The following RNF43 variants were observed in gnomAD, a reference collection of about 807,000 sequenced individuals.
The protein encoded by RNF43 is ring finger protein 43, also known as E3 ubiquitin-protein ligase RNF43.
A neutral mutation model predicts 78.4 loss-of-function variants in RNF43; 37 were observed. That is an observed-to-expected ratio of 0.47 (90% confidence interval 0.36 to 0.62). The LOEUF (loss-of-function observed/expected upper bound fraction) is 0.62. Ranked by LOEUF, RNF43 falls within the 20% of genes least tolerant of loss-of-function variation. The probability of loss-of-function intolerance (pLI) is 0.00; values close to 1 mark genes in which losing one functional copy is unlikely to be tolerated. For missense variants in RNF43, 774 were observed against 1,007.9 expected (o/e 0.77, Z 3.14); for synonymous variants, 347 against 395.0 (o/e 0.88, Z 1.44).
chr17:58,415,873 A>G lies in RNF43; in HGVS notation c.-296T>C, dbSNP rs1974112416. On this transcript the variant is annotated 5_prime_UTR_variant, in exon 2 of 10. Coordinates refer to ENST00000407977, the MANE Select transcript of RNF43 (RefSeq NM_017763.6). Reference sequence around the variant, plus strand: ...TCACCACTTCTCTTTGGAATTTCCAACTTTGCTTGTGATTGAATGTCACTT... The same window carrying G: ...TCACCACTTCTCTTTGGAATTTCCAGCTTTGCTTGTGATTGAATGTCACTT... The G allele has an allele frequency of 2.2e-6, 1 of 450,162 alleles. No homozygotes were observed. Among genetic ancestry groups the G allele is most frequent in the Non-Finnish European group, 4.0e-6 (1 of 248,222 alleles). The allele number at this position is 450,162 out of a possible 1,614,324, so 27.9% of individuals were successfully genotyped here. A position where few individuals can be genotyped will look rare whatever the true frequency, so the allele number is the denominator to read the frequency against.
intron 8 of RNF43, among the ~76,000 whole-genome samples, chr17:58,359,572 C>T (rs1370877483): frequency 6.6e-6 from 1 of 151,054 alleles, no homozygotes; most frequent in East Asian, 2.0e-4. Context: ...CCACTGCACT[C>T]CAGCCTGGGC....
intron 2 of RNF43, among the ~76,000 whole-genome samples, chr17:58,375,583 T>C (rs1252764140): frequency 1.3e-5 from 2 of 152,084 alleles, no homozygotes; most frequent in Non-Finnish European, 2.9e-5. Flanking sequence ...TGATTAAATA[T>C]TGGAAGTCTA....
chr17:58,361,732 C>G (rs1323362735), intron 6 of RNF43, among the ~76,000 whole-genome samples: 1 of 152,204 alleles, frequency 6.6e-6, no homozygotes, highest in African/African-American at 2.4e-5. Context: ...TCACTCTGTT[C>G]CAGCCACAGC....
intron 5 of RNF43, 38 bp from the exon 6 acceptor site, chr17:58,362,686 G>T: frequency 6.7e-7 from 1 of 1,496,962 alleles, no homozygotes; most frequent in East Asian, 2.4e-5. Flanking sequence ...TCATACTTCC[G>T]GGATGAGCTG....
chr17:58,399,915 C>T (rs1039738692), intron 2 of RNF43, among the ~76,000 whole-genome samples: 2 of 152,172 alleles, frequency 1.3e-5, no homozygotes, highest in Non-Finnish European at 2.9e-5. Flanking sequence ...ACTAGGATTA[C>T]AGGCGTGAGC....
At chr17:58,353,081 C>G (rs762544284), downstream of RNF43, 1 of 209,070 alleles carries the variant, frequency 4.8e-6, no homozygotes, top group Non-Finnish European at 9.7e-6. Flanking sequence ...GCAGGCAGAA[C>G]GCAGTCATTT....
chr17:58,396,881 T>A (rs971542769), intron 2 of RNF43, among the ~76,000 whole-genome samples: 2 of 152,130 alleles, frequency 1.3e-5, no homozygotes, highest in Admixed American at 1.3e-4. Flanking sequence ...AAATCAAATA[T>A]GATGCTAATT....
In RNF43 at chr17:58,404,735, A is replaced by G. The variant is rs1251855393; in HGVS notation, c.252+10591T>C. ...GATATTCAAATACTCTTCACCTTCT[A>G]CATAAAAGGTCTTAGTATTTATTTC... On this transcript the variant is annotated intron_variant, in intron 2 of 9. Transcript: ENST00000407977. 4.6e-5 allele frequency among the ~76,000 whole-genome samples: 7 copies of G among 152,256 alleles called. No homozygotes were observed. In the East Asian group the frequency reaches 1.3e-3, roughly 29 times the overall value.
chr17:58,366,970 C>T (rs1356028300), intron 3 of RNF43, among the ~76,000 whole-genome samples: 1 of 151,036 alleles, frequency 6.6e-6, no homozygotes, highest in East Asian at 1.9e-4. Context: ...GGATTACAGG[C>T]ATACACCACA....
intron 9 of RNF43, among the ~76,000 whole-genome samples, chr17:58,356,658 TTCTC>T (rs1027456525): frequency 2.0e-5 from 3 of 151,468 alleles, no homozygotes; most frequent in Non-Finnish European, 2.9e-5. Context: ...CACCTGTGGT[TTCTC>T]TCTCTCTCTT....
chr17:58,357,335 A>C lies in RNF43; in HGVS notation c.2308+133T>G, dbSNP rs1283034885. 4 of 1,125,654 alleles carry C rather than the reference A, an allele frequency of 3.6e-6. No individual in the cohort carries two copies. The highest frequency in any genetic ancestry group is 5.3e-6 in the Non-Finnish European group (4 of 749,114). 69.7% of individuals were successfully genotyped at this position (1,125,654 alleles called of 1,614,324 possible). A position where few individuals can be genotyped will look rare whatever the true frequency, so the allele number is the denominator to read the frequency against. ...GCATGATACGCTGTCCCGATGGTTA[A>C]GTATTTTGGTTGTCATCTCTGCTGT... On this transcript the variant is annotated intron_variant, in intron 9 of 9. Coordinates refer to ENST00000407977, the MANE Select transcript of RNF43 (RefSeq NM_017763.6). The surrounding 1 kb of genome is among the most constrained non-coding windows in gnomAD (Gnocchi z 4.5).
At chr17:58,370,060 GTTT>G (rs56372311) in intron 3 of RNF43, among the ~76,000 whole-genome samples, 6 of 96,234 alleles carry the variant, frequency 6.2e-5, no homozygotes, top group African/African-American at 1.3e-4. Context: ...GAAAATCTGA[GTTT>G]TTTTTTTTTT....
chr17:58,404,513 A>G (rs1436274360), intron 2 of RNF43, among the ~76,000 whole-genome samples: 6 of 152,238 alleles, frequency 3.9e-5, no homozygotes, highest in Non-Finnish European at 7.3e-5. Flanking sequence ...TGTTTAATGT[A>G]TGTCATAGAG....
chr17:58,394,115 TAG>T (rs1598157935), intron 2 of RNF43, among the ~76,000 whole-genome samples: 1 of 152,210 alleles, frequency 6.6e-6, no homozygotes, highest in African/African-American at 2.4e-5. Flanking sequence ...CAACATTCCC[TAG>T]ACTCCTCTCT....
In RNF43 at chr17:58,359,559, G is replaced by A. The variant is rs372329219; in HGVS notation, c.952+590C>T. On this transcript the variant is annotated intron_variant, in intron 8 of 9. Transcript: ENST00000407977. ...GCGGAGCTTGCAGTGAGCCAAGATC[G>A]CGCCACTGCACTCCAGCCTGGGCGA... Among the ~76,000 whole-genome samples the A allele has an allele frequency of 7.3e-5, 11 of 150,348 alleles. No individual in the cohort carries two copies. In the South Asian group the frequency reaches 1.3e-3, roughly 17 times the overall value.
At chr17:58,404,444 C>T (rs564952323) in intron 2 of RNF43, among the ~76,000 whole-genome samples, 57 of 152,226 alleles carry the variant, frequency 3.7e-4, no homozygotes, top group Non-Finnish European at 7.6e-4. Flanking sequence ...AGGGACTTTT[C>T]ATATACCCCA....
At chr17:58,403,676 C>CCTTGTTATTA (rs1184583327) in intron 2 of RNF43, among the ~76,000 whole-genome samples, 4 of 152,138 alleles carry the variant, frequency 2.6e-5, no homozygotes, top group African/African-American at 9.7e-5. Context: ...AATAACAAGG[C>CCTTGTTATTA]ATAGTTACTA....
chr17:58,382,048 C>A (rs547067555), intron 2 of RNF43, among the ~76,000 whole-genome samples: 1 of 152,268 alleles, frequency 6.6e-6, no homozygotes, highest in East Asian at 1.9e-4. Flanking sequence ...TTGACCAGCC[C>A]TCAGTCCCCA....
At position 58,359,248 on chromosome 17, in the gene RNF43, C is replaced by G. The variant is rs564546168; in HGVS notation, c.953-425G>C. ...ATTGGAATAATAAACATATAAATCA[C>G]CCAGATTTAGAATCAACAAACTTGC... On this transcript the variant is annotated intron_variant, in intron 8 of 9. Coordinates refer to ENST00000407977, the MANE Select transcript of RNF43 (RefSeq NM_017763.6). 2.9e-4 allele frequency among the ~76,000 whole-genome samples: 44 copies of G among 152,210 alleles called. No individual in the cohort carries two copies. The East Asian group carries it at 8.3e-3, about 29-fold the overall frequency.
Sources: gnomAD v4.1 joint callset for allele counts (sites outside exome capture counted in the v4.1 genomes callset) on GRCh38, gnomAD v4.1.1 for gene constraint, Gnocchi (gnomAD v3.1) non-coding constraint, MANE v1.5 for transcripts, NCBI Gene and HGNC (gene_info 2026-07-23, HGNC 2026-07-21) for gene names.